Variants in NQO2 observed in about 807,000 individuals in gnomAD.
NQO2 encodes ribosyldihydronicotinamide dehydrogenase [quinone].
A neutral mutation model predicts 22.0 loss-of-function variants in NQO2; 18 were observed. That is an observed-to-expected ratio of 0.82 (90% CI 0.56 to 1.21). The LOEUF (loss-of-function observed/expected upper bound fraction) is 1.21. Ranked by LOEUF, NQO2 falls within the 50% of genes most tolerant of loss-of-function variation. The pLI is 0.00. For synonymous variants in NQO2, 106 were observed against 110.8 expected (o/e 0.96, Z 0.28); for missense variants, 267 against 286.9 (o/e 0.93, Z 0.50).
In NQO2 at chr6:3,006,307, C is replaced by T. The variant is rs985229761; in HGVS notation, c.-85-161C>T. ...GTTTTGACATCCTGCGTGGCTTGTC[C>T]TCTGAGGCCTAAATCTCCAGAAGAT... On this transcript the variant is annotated intron_variant, in intron 1 of 6. Transcript: ENST00000380455. This position sits in a 1 kb window ranked among gnomAD's most constrained non-coding sequence, Gnocchi z 4.0. 2 of 984,602 alleles carry T rather than the reference C, an allele frequency of 2.0e-6. No individual in the cohort carries two copies. Among genetic ancestry groups the T allele is most frequent in the Non-Finnish European group, 1.2e-6 (1 of 829,224 alleles). The allele number at this position is 984,602 out of a possible 1,614,324, so 61.0% of individuals were successfully genotyped here.
At chr6:3,005,591 C>T (rs1322783564) in intron 1 of NQO2, 5 of 961,200 alleles carry the variant, frequency 5.2e-6, no homozygotes, top group Non-Finnish European at 4.9e-6. Context: ...GAGTTGTTTG[C>T]TTTGTTGTTG....
rs142940490 is a variant in NQO2, at chr6:3,010,163, C to A, written c.146C>A (p.Pro49Gln). Residue 49 changes from proline to glutamine, a missense_variant, in exon 3 of 7, where the codon CCG (proline) becomes CAG (glutamine). Physicochemically the swap from Pro to Gln is moderately conservative, Grantham distance 76 (BLOSUM62 -1). Transcript: ENST00000380455. ...GATTTGTATGCCATGAACCTTGAGC[C>A]GAGGGCCACAGACAAAGATATCACT... is the stretch of plus-strand genomic sequence containing the variant. ...VSDLYAMNLE[P>Q]RATDKDITGT... 9 of 1,611,992 alleles carry A rather than the reference C, an allele frequency of 5.6e-6. No homozygotes were observed. The highest frequency in any genetic ancestry group is 7.6e-6 in the Non-Finnish European group (9 of 1,178,994).
intron 4 of NQO2, 118 bp from the exon 5 acceptor site, chr6:3,015,412 G>T: frequency 6.8e-7 from 1 of 1,478,832 alleles, no homozygotes; most frequent in South Asian, 1.4e-5. Context: ...ACCCTCACCT[G>T]CCCAGCTGCC....
rs1405925502 is a variant in NQO2 at position 3,015,411 on chromosome 6, T to G, written c.304-119T>G. ...GCTGACCATAAGGGTTACCCTCACCTGCCCAGCTGCCAGGGAAGAGGAGGG... is the reference window on the plus strand; with the variant it reads ...GCTGACCATAAGGGTTACCCTCACCGGCCCAGCTGCCAGGGAAGAGGAGGG... On this transcript the variant is annotated intron_variant, in intron 4 of 6. Transcript: ENST00000380455. 10 of 1,478,028 alleles carry G rather than the reference T, an allele frequency of 6.8e-6. No homozygotes were observed. The African/African-American group carries it at 8.4e-5, about 12-fold the overall frequency. 91.6% of individuals were successfully genotyped at this position (1,478,028 alleles called of 1,614,324 possible). A position where few individuals can be genotyped will look rare whatever the true frequency, so the allele number is the denominator to read the frequency against.
At chr6:3,017,133 CCCACA>C (rs1384265907) in intron 6 of NQO2, 148 bp downstream of exon 6, 21 of 914,164 alleles carry the variant, frequency 2.3e-5, no homozygotes, top group Non-Finnish European at 3.5e-5. Flanking sequence ...AGCGTGATGC[CCCACA>C]CCATTTTGAC....
At chr6:3,016,430 C>CAAAAAAAAA (rs36118697) in intron 5 of NQO2, among the ~76,000 whole-genome samples, 11 of 85,692 alleles carry the variant, frequency 1.3e-4, no homozygotes, top group African/African-American at 5.3e-4. Context: ...GACTCTGTCT[C>CAAAAAAAAA]AAAAAAAAAA....
chr6:3,014,031 C>T (rs933502666), intron 4 of NQO2, among the ~76,000 whole-genome samples: 4 of 152,110 alleles, frequency 2.6e-5, no homozygotes, highest in Non-Finnish European at 5.9e-5. Flanking sequence ...GTTTTCCAAC[C>T]CTGCTTGAGG....
Position 3,019,629 on chromosome 6 carries a change from A to G in NQO2, c.670A>G (p.Thr224Ala), listed in dbSNP as rs200098997. ...CTGGAAGGAAGAGCCCATCCCCTGC[A>G]CAGCCCACTGGCACTTCGGGCAATA... ...TIWKEEPIPCTAHWHFGQ is the reference protein window; with the variant it reads ...TIWKEEPIPCAAHWHFGQ The change falls in exon 7 of 7, where the codon ACA becomes GCA. Residue 224 changes from threonine (T) to alanine (A), a missense_variant. Coordinates refer to ENST00000380455, the MANE Select transcript of NQO2 (RefSeq NM_000904.6). The G allele has an allele frequency of 1.7e-4, 270 of 1,612,976 alleles. No individual in the cohort carries two copies. The East Asian group carries it at 5.2e-3, about 31-fold the overall frequency.
intron 1 of NQO2, chr6:3,004,285 G>A (rs1756853893): frequency 1.1e-6 from 1 of 949,694 alleles, no homozygotes; most frequent in Non-Finnish European, 1.3e-6. Flanking sequence ...ACCAGAGTGG[G>A]GATATTCAGT....
chr6:3,012,722 CA>C, intron 4 of NQO2, 48 bp downstream of exon 4: 1 of 1,564,492 alleles, frequency 6.4e-7, no homozygotes, highest in Non-Finnish European at 8.7e-7. Context: ...ATCTTATGTA[CA>C]AACTCTTTCT....
chr6:3,017,010 T>C (rs1472579566), intron 6 of NQO2, 25 bp downstream of exon 6: 16 of 1,610,100 alleles, frequency 9.9e-6, no homozygotes, highest in Non-Finnish European at 1.3e-5. Context: ...AGTGGCTCCC[T>C]TGCTTGTTGG....
At chr6:3,010,315 T>C in intron 3 of NQO2, 126 bp downstream of exon 3, 1 of 730,510 alleles carries the variant, frequency 1.4e-6, no homozygotes. Flanking sequence ...CAAAAACAAA[T>C]AGATAGCACT....
At chr6:3,017,031 CACAG>C (rs1184153473) in intron 6 of NQO2, 46 bp downstream of exon 6, 3 of 1,596,868 alleles carry the variant, frequency 1.9e-6, no homozygotes, top group Non-Finnish European at 2.6e-6. Flanking sequence ...CACACGCACA[CACAG>C]ACACACACAT....
chr6:3,008,694 A>G (rs960069451), intron 2 of NQO2, among the ~76,000 whole-genome samples: 12 of 152,224 alleles, frequency 7.9e-5, no homozygotes, highest in Non-Finnish European at 1.6e-4. Context: ...GTTCTTTTCT[A>G]TATTTCCTAA....
intron 6 of NQO2, among the ~76,000 whole-genome samples, chr6:3,019,178 T>C (rs558255245): frequency 3.9e-5 from 6 of 152,294 alleles, no homozygotes; most frequent in African/African-American, 1.4e-4. Context: ...TACCATAATT[T>C]GCCCAATCAA....
Position 3,019,637 on chromosome 6 carries a change from C to A in NQO2, c.678C>A (p.His226Gln), listed in dbSNP as rs772030191. ...WKEEPIPCTAHWHFGQ is the reference protein window; with the variant it reads ...WKEEPIPCTAQWHFGQ ...AAGAGCCCATCCCCTGCACAGCCCA[C>A]TGGCACTTCGGGCAATAACTCTGTG... The change falls in exon 7 of 7, where the codon CAC (histidine) becomes CAA (glutamine). Residue 226 changes from histidine (H) to glutamine (Q), a missense_variant. Transcript: ENST00000380455. The A allele has an allele frequency of 1.2e-5, 19 of 1,610,174 alleles. No individual in the cohort carries two copies. Among genetic ancestry groups the A allele is most frequent in the Non-Finnish European group, 1.4e-5 (17 of 1,177,796 alleles).
chr6:3,014,423 G>A (rs895466525), intron 4 of NQO2, among the ~76,000 whole-genome samples: 1 of 152,142 alleles, frequency 6.6e-6, no homozygotes, highest in African/African-American at 2.4e-5. Context: ...GTATCCTGGG[G>A]TGCGTGGTCC....
At position 3,010,132 on chromosome 6, in the gene NQO2, G is replaced by C. The variant is rs1211632821; in HGVS notation, c.115G>C (p.Val39Leu). 2.5e-6 allele frequency: 4 copies of C among 1,613,926 alleles called. No individual in the cohort carries two copies. The highest frequency in any genetic ancestry group is 3.4e-6 in the Non-Finnish European group (4 of 1,179,960). ...ELSRQGCTVT[V>L]SDLYAMNLEP... ...GAGCAGGCAGGGCTGCACCGTCACA[G>C]TGTCTGATTTGTATGCCATGAACCT... Residue 39 changes from valine to leucine, a missense_variant, in exon 3 of 7, where the codon GTG (valine) becomes CTG (leucine). Transcript: ENST00000380455.
At position 3,010,163 on chromosome 6, in the gene NQO2, C is replaced by T. The variant is rs142940490; in HGVS notation, c.146C>T (p.Pro49Leu). The T allele has an allele frequency of 5.8e-5, 93 of 1,611,996 alleles. No individual in the cohort carries two copies. In the African/African-American group the frequency reaches 9.6e-4, roughly 17 times the overall value. ...GATTTGTATGCCATGAACCTTGAGC[C>T]GAGGGCCACAGACAAAGATATCACT... ...VSDLYAMNLE[P>L]RATDKDITGT... The change falls in exon 3 of 7, where the codon CCG becomes CTG. Residue 49 changes from proline (P) to leucine (L), a missense_variant. Transcript: ENST00000380455.
Sources: allele counts gnomAD v4.1 joint callset (sites outside exome capture counted in the v4.1 genomes callset), GRCh38; gene constraint gnomAD v4.1.1; non-coding constraint Gnocchi (gnomAD v3.1); transcripts MANE v1.5; gene names NCBI Gene and HGNC (gene_info 2026-07-23, HGNC 2026-07-21).